Variants in ADGRB3 observed in about 807,000 individuals in gnomAD.
ADGRB3 encodes adhesion G protein-coupled receptor B3.
In ADGRB3, 37 loss-of-function variants were observed where a neutral mutation model predicts 193.4. The observed-to-expected ratio is 0.19, with a 90% CI of 0.15 to 0.25. The LOEUF (loss-of-function observed/expected upper bound fraction) is 0.25. ADGRB3 is among the 10% of genes least tolerant of loss of function. The probability of loss-of-function intolerance (pLI) is 1.00; values close to 1 mark genes in which losing one functional copy is unlikely to be tolerated. For synonymous variants in ADGRB3, 690 were observed against 644.2 expected (o/e 1.07, Z -1.08); for missense variants, 1,637 against 1,852.9 (o/e 0.88, Z 2.14).
At chr6:68,969,711 C>T (rs1378626758) in intron 8 of ADGRB3, among the ~76,000 whole-genome samples, 1 of 152,164 alleles carries the variant, frequency 6.6e-6, no homozygotes, top group African/African-American at 2.4e-5. Flanking sequence ...TAAATTCTCA[C>T]ATAGTTTTGT....
chr6:69,345,145 C>T (rs906388053), intron 26 of ADGRB3, among the ~76,000 whole-genome samples: 27 of 151,872 alleles, frequency 1.8e-4, no homozygotes, highest in Admixed American at 9.2e-4. Context: ...TGAGTGGTCT[C>T]GTAAAGAAAG....
intron 20 of ADGRB3, among the ~76,000 whole-genome samples, chr6:69,306,831 G>T (rs774566268): frequency 6.6e-6 from 1 of 151,376 alleles, no homozygotes; most frequent in Non-Finnish European, 1.5e-5. Context: ...TATGGGAGAG[G>T]ACAGGGCCCA....
intron 15 of ADGRB3, among the ~76,000 whole-genome samples, chr6:69,052,681 AT>A (rs1430527419): frequency 6.6e-6 from 1 of 152,162 alleles, no homozygotes; most frequent in Non-Finnish European, 1.5e-5. Flanking sequence ...TTATTGAGAT[AT>A]TTCTCTTCTT....
intron 31 of ADGRB3, among the ~76,000 whole-genome samples, chr6:69,384,941 G>A (rs1004606278): frequency 1.4e-5 from 2 of 145,700 alleles, no homozygotes; most frequent in African/African-American, 5.1e-5. Context: ...CTCAAATAAA[G>A]GGGTTTTTCT....
chr6:68,813,780 C>T (rs1004296996), intron 3 of ADGRB3, among the ~76,000 whole-genome samples: 8 of 152,068 alleles, frequency 5.3e-5, no homozygotes, highest in African/African-American at 1.9e-4. Flanking sequence ...TTGTTCGATT[C>T]CCACCTGTGA....
chr6:68,895,188 T>A (rs1162563653), intron 3 of ADGRB3, among the ~76,000 whole-genome samples: 1 of 151,246 alleles, frequency 6.6e-6, no homozygotes, highest in African/African-American at 2.4e-5. Context: ...AATATTGTAC[T>A]GGTTTCATAA....
At chr6:68,893,427 G>T (rs954459592) in intron 3 of ADGRB3, among the ~76,000 whole-genome samples, 1 of 150,818 alleles carries the variant, frequency 6.6e-6, no homozygotes, top group Non-Finnish European at 1.5e-5. Context: ...AATATAAAAA[G>T]AATTATATAT....
At chr6:68,708,017 T>C (rs889092577) in intron 3 of ADGRB3, among the ~76,000 whole-genome samples, 6 of 152,242 alleles carry the variant, frequency 3.9e-5, no homozygotes, top group African/African-American at 1.4e-4. Flanking sequence ...AGCTTGACGA[T>C]TAACCAAGAG....
At chr6:68,746,016 A>G (rs914006082) in intron 3 of ADGRB3, among the ~76,000 whole-genome samples, 2 of 152,134 alleles carry the variant, frequency 1.3e-5, no homozygotes, top group African/African-American at 4.8e-5. Context: ...AAACAACTGT[A>G]AAAATTTTCT....
chr6:68,883,568 G>A (rs1045537063), intron 3 of ADGRB3, among the ~76,000 whole-genome samples: 1 of 152,120 alleles, frequency 6.6e-6, no homozygotes, highest in African/African-American at 2.4e-5. Context: ...GCGAGACCAC[G>A]AACTCACTGG....
chr6:69,220,498 A>T (rs1765869985), intron 17 of ADGRB3, among the ~76,000 whole-genome samples: 1 of 152,168 alleles, frequency 6.6e-6, no homozygotes, highest in Admixed American at 6.6e-5. Context: ...GTGGTACATC[A>T]GAATACAAGT....
chr6:69,053,587 G>T (rs1313678421), intron 15 of ADGRB3, among the ~76,000 whole-genome samples: 1 of 152,138 alleles, frequency 6.6e-6, no homozygotes, highest in Non-Finnish European at 1.5e-5. Context: ...GCTTGAGTTT[G>T]TCACACCTCC....
Position 68,862,269 on chromosome 6 carries a change from AG to A in ADGRB3, c.758-68289del, listed in dbSNP as rs1765177748. Among the ~76,000 whole-genome samples, 2 of 152,268 alleles carry A rather than the reference AG, an allele frequency of 1.3e-5. 1 individual carries two copies. Among genetic ancestry groups the A allele is most frequent in the Middle Eastern group, 6.8e-3 (2 of 294 alleles). On this transcript the variant is annotated intron_variant, in intron 3 of 31. Transcript: ENST00000370598. Reference sequence around the variant, plus strand: ...CTTTGATATCTTTGATGTAGTCAAAAGTTGTGACATTAATTTTTGTTATTGT... The same window carrying A: ...CTTTGATATCTTTGATGTAGTCAAAATTGTGACATTAATTTTTGTTATTGT...
chr6:69,099,909 T>A (rs2150320771), intron 17 of ADGRB3, among the ~76,000 whole-genome samples: 2 of 152,350 alleles, frequency 1.3e-5, no homozygotes, highest in African/African-American at 4.8e-5. Context: ...TTTAAGTCCT[T>A]TGTTTCTTTA....
chr6:69,292,257 T>C (rs895180501), intron 20 of ADGRB3, among the ~76,000 whole-genome samples: 7 of 151,362 alleles, frequency 4.6e-5, no homozygotes, highest in Admixed American at 1.3e-4. Context: ...TAGAAAGATA[T>C]TTTTTTTTCT....
rs1554214306 is a variant in ADGRB3, at chr6:68,888,566, C to CAT, written c.758-41992_758-41991insTA. On this transcript the variant is annotated intron_variant, in intron 3 of 31. Coordinates refer to ENST00000370598, the MANE Select transcript of ADGRB3 (RefSeq NM_001704.3). ...ATACACACACACACACACACACACA[C>CAT]ACACACACATAAAAAAAACTCCTGC... 1.8e-3 allele frequency among the ~76,000 whole-genome samples: 272 copies of CAT among 151,624 alleles called. 1 individual carries two copies. Among genetic ancestry groups the CAT allele is most frequent in the African/African-American group, 6.4e-3 (265 of 41,306 alleles).
At chr6:68,774,048 TG>T (rs1178150286) in intron 3 of ADGRB3, among the ~76,000 whole-genome samples, 1 of 152,158 alleles carries the variant, frequency 6.6e-6, no homozygotes. Flanking sequence ...TAAAATTACA[TG>T]CAATGTATTT....
At chr6:69,048,103 C>A in intron 13 of ADGRB3, 82 bp from the exon 14 acceptor site, 1 of 1,377,436 alleles carries the variant, frequency 7.3e-7, no homozygotes, top group Non-Finnish European at 1.0e-6. Flanking sequence ...TTTGAATATA[C>A]TGCAAGATTT....
intron 3 of ADGRB3, among the ~76,000 whole-genome samples, chr6:68,759,620 G>A (rs936448101): frequency 2.0e-5 from 3 of 151,942 alleles, no homozygotes; most frequent in Non-Finnish European, 4.4e-5. Context: ...TTGAGGTCAT[G>A]TATTCTTCAT....
Sources: gnomAD v4.1 joint callset for allele counts (sites outside exome capture counted in the v4.1 genomes callset) on GRCh38, gnomAD v4.1.1 for gene constraint, MANE v1.5 for transcripts, NCBI Gene and HGNC (gene_info 2026-07-23, HGNC 2026-07-21) for gene names.